FBXO21: variants seen among roughly 807,000 people sequenced by gnomAD.
FBXO21 encodes the protein F-box protein 21, also known as F-box only protein 21.
A neutral mutation model predicts 76.6 loss-of-function variants in FBXO21; 32 were observed. The observed-to-expected ratio is 0.42, with a 90% confidence interval of 0.32 to 0.56. The LOEUF (loss-of-function observed/expected upper bound fraction) is 0.56. FBXO21 is among the 20% of genes least tolerant of loss of function. The pLI is 0.16. For synonymous variants in FBXO21, 328 were observed against 311.5 expected (o/e 1.05, Z -0.56); for missense variants, 586 against 797.3 (o/e 0.73, Z 3.19).
intron 2 of FBXO21, 116 bp from the exon 3 acceptor site, chr12:117,186,687 T>C: frequency 7.8e-6 from 5 of 643,440 alleles, no homozygotes; most frequent in Non-Finnish European, 1.4e-5. Context: ...CTAACAGTTA[T>C]TCTACACTAC....
Position 117,190,243 on chromosome 12 carries a change from C to G in FBXO21, c.214G>C (p.Val72Leu). The change falls in exon 1 of 12, where the codon GTG becomes CTG. Residue 72 changes from valine (V) to leucine (L), a missense_variant. Physicochemically the swap from Val to Leu is conservative, Grantham distance 32. Coordinates refer to ENST00000622495, the MANE Select transcript of FBXO21 (RefSeq NM_015002.3). ...CTCACCCGGAACTGCTCCTTCCACACCTTCCCGCTGCTCTGGCACAGCTCG... is the reference window on the plus strand; with the variant it reads ...CTCACCCGGAACTGCTCCTTCCACAGCTTCCCGCTGCTCTGGCACAGCTCG... ...LRELCQSSGK[V>L]WKEQFRVRWP... 6.5e-7 allele frequency: 1 copy of G among 1,541,144 alleles called. No homozygotes were observed. The highest frequency in any genetic ancestry group is 8.7e-7 in the Non-Finnish European group (1 of 1,154,050).
At chr12:117,160,586 G>A (rs1955966145) in intron 9 of FBXO21, among the ~76,000 whole-genome samples, 1 of 152,140 alleles carries the variant, frequency 6.6e-6, no homozygotes, top group Non-Finnish European at 1.5e-5. Context: ...GAAAAATCTG[G>A]ACATCCTTTG....
intron 1 of FBXO21, 100 bp from the exon 2 acceptor site, chr12:117,189,462 G>T: frequency 1.5e-6 from 2 of 1,290,876 alleles, no homozygotes; most frequent in Non-Finnish European, 2.2e-6. Context: ...GTGGCGTCCA[G>T]TGGTAAGAGG....
chr12:117,189,176 G>A, intron 2 of FBXO21, 51 bp downstream of exon 2: 1 of 1,611,080 alleles, frequency 6.2e-7, no homozygotes. Context: ...TGCAGACCCA[G>A]ACACATACAC....
intron 11 of FBXO21, among the ~76,000 whole-genome samples, chr12:117,152,286 G>C (rs746878455): frequency 2.6e-5 from 4 of 152,138 alleles, no homozygotes; most frequent in Non-Finnish European, 5.9e-5. Flanking sequence ...GGGCTACATG[G>C]TGAAACCCCA....
At chr12:117,189,413 G>A (rs1370065613) in intron 1 of FBXO21, 51 bp from the exon 2 acceptor site, 1 of 1,608,636 alleles carries the variant, frequency 6.2e-7, no homozygotes. Flanking sequence ...AAAGGCAGGC[G>A]GCCACGAATC....
intron 1 of FBXO21, 36 bp downstream of exon 1, chr12:117,190,182 T>C: frequency 8.4e-7 from 1 of 1,184,334 alleles, no homozygotes; most frequent in Non-Finnish European, 1.0e-6. Context: ...CGCGGGGCGG[T>C]GGGCGCGCAG....
intron 4 of FBXO21, among the ~76,000 whole-genome samples, chr12:117,176,735 A>G (rs1467115609): frequency 6.6e-6 from 1 of 152,300 alleles, no homozygotes; most frequent in East Asian, 1.9e-4. Flanking sequence ...GTTTGAATCT[A>G]GCATAGGTGA....
chr12:117,163,772 G>A (rs1191813374), intron 9 of FBXO21, among the ~76,000 whole-genome samples: 6 of 151,738 alleles, frequency 4.0e-5, no homozygotes, highest in Non-Finnish European at 8.8e-5. Context: ...GTGAAACCCC[G>A]TCTCTACTAA....
At chr12:117,155,266 T>C (rs1313858945) in intron 11 of FBXO21, 4 of 153,836 alleles carry the variant, frequency 2.6e-5, no homozygotes, top group African/African-American at 9.6e-5. Flanking sequence ...GGCTGGCACC[T>C]GCCGGGGCGG....
Position 117,165,578 on chromosome 12 carries a change from C to T in FBXO21, c.1233G>A (p.Ser411=), listed in dbSNP as rs199813359. Residue 411 remains serine (S), a synonymous_variant, in exon 9 of 12, where the codon TCG becomes TCA. Coordinates refer to ENST00000622495, the MANE Select transcript of FBXO21 (RefSeq NM_015002.3). ...IDQSYQLLRD[S]LDLYLAMYPD... is the part of the protein sequence containing the mutation. Reference sequence around the variant, plus strand: ...GGTACATTGCCAGATAGAGATCCAGCGAGTCTCTCAGGAGCTGGTATGACT... The same window carrying T: ...GGTACATTGCCAGATAGAGATCCAGTGAGTCTCTCAGGAGCTGGTATGACT... The T allele has an allele frequency of 1.1e-4, 172 of 1,613,370 alleles. No individual in the cohort carries two copies. Among genetic ancestry groups the T allele is most frequent in the Non-Finnish European group, 1.3e-4 (159 of 1,179,568 alleles).
chr12:117,158,185 A>G (rs1565997924), intron 9 of FBXO21, 122 bp from the exon 10 acceptor site: 1 of 1,136,402 alleles, frequency 8.8e-7, no homozygotes, highest in Non-Finnish European at 1.3e-6. Flanking sequence ...AGGGGTGGCT[A>G]TGCCCTGATC....
chr12:117,185,637 A>C (rs1566009778), intron 3 of FBXO21, among the ~76,000 whole-genome samples: 1 of 152,348 alleles, frequency 6.6e-6, no homozygotes, highest in East Asian at 1.9e-4. Context: ...TGAGTCCCTA[A>C]GTACGCAGTT....
chr12:117,183,230 G>A (rs1027778056), intron 3 of FBXO21, among the ~76,000 whole-genome samples: 4 of 151,888 alleles, frequency 2.6e-5, no homozygotes, highest in African/African-American at 9.7e-5. Context: ...TATGTAAAAT[G>A]GCAGTATCTC....
chr12:117,179,551 T>G (rs1005720590), intron 3 of FBXO21, among the ~76,000 whole-genome samples: 1 of 152,176 alleles, frequency 6.6e-6, no homozygotes, highest in Admixed American at 6.5e-5. Flanking sequence ...CCACATGATG[T>G]AGTTTAACAT....
chr12:117,152,495 CT>C (rs555946240), intron 11 of FBXO21, among the ~76,000 whole-genome samples: 27 of 150,144 alleles, frequency 1.8e-4, no homozygotes, highest in Middle Eastern at 3.4e-3. Flanking sequence ...GACAACCAGT[CT>C]GGATTCTTCA....
At chr12:117,162,383 T>G (rs1484585457) in intron 9 of FBXO21, among the ~76,000 whole-genome samples, 2 of 152,254 alleles carry the variant, frequency 1.3e-5, no homozygotes, top group African/African-American at 4.8e-5. Context: ...GAACTCCTAG[T>G]GCCGTCACGG....
chr12:117,176,440 G>A (rs1462658961), intron 4 of FBXO21, among the ~76,000 whole-genome samples: 1 of 152,338 alleles, frequency 6.6e-6, no homozygotes, highest in South Asian at 2.1e-4. Flanking sequence ...ATCCTGGAGA[G>A]TACGGAGCAA....
chr12:117,153,441 G>A (rs1955869714), intron 11 of FBXO21, among the ~76,000 whole-genome samples: 1 of 152,224 alleles, frequency 6.6e-6, no homozygotes, highest in African/African-American at 2.4e-5. Flanking sequence ...CAATGTTGGA[G>A]AGAAGACCCC....
Sources: gnomAD v4.1 joint callset for allele counts (sites outside exome capture counted in the v4.1 genomes callset) on GRCh38, gnomAD v4.1.1 for gene constraint, MANE v1.5 for transcripts, NCBI Gene and HGNC (gene_info 2026-07-23, HGNC 2026-07-21) for gene names.